Variants in SLC35F4 observed in about 807,000 individuals in gnomAD.
SLC35F4 encodes the protein solute carrier family 35 member F4, also known as chromosome 14 open reading frame 36.
SLC35F4 carries 24 observed loss-of-function variants against 44.2 expected under a neutral mutation model. The observed-to-expected ratio is 0.54, with a 90% CI of 0.39 to 0.76. The LOEUF is 0.76. SLC35F4 is among the 30% of genes least tolerant of loss of function. The probability of loss-of-function intolerance (pLI) is 0.00; values close to 1 mark genes in which losing one functional copy is unlikely to be tolerated. For synonymous variants in SLC35F4, 238 were observed against 223.6 expected (o/e 1.06, Z -0.57); for missense variants, 562 against 586.1 (o/e 0.96, Z 0.42).
chr14:57,665,794 A>G (rs2074287635), intron 1 of SLC35F4, among the ~76,000 whole-genome samples: 1 of 152,226 alleles, frequency 6.6e-6, no homozygotes, highest in African/African-American at 2.4e-5. Flanking sequence ...AATACTGTGC[A>G]GCCATAAACA....
intron 1 of SLC35F4, among the ~76,000 whole-genome samples, chr14:57,786,563 G>A (rs1288891758): frequency 6.6e-6 from 1 of 152,186 alleles, no homozygotes; most frequent in Non-Finnish European, 1.5e-5. Flanking sequence ...TCCTGGCTGG[G>A]AGGTCCATAG....
chr14:57,692,074 C>G (rs1254988270), intron 1 of SLC35F4, among the ~76,000 whole-genome samples: 5 of 152,098 alleles, frequency 3.3e-5, no homozygotes. Flanking sequence ...ATCATGATAG[C>G]CAAGTAGAAA....
At chr14:57,708,860 G>A (rs546453788) in intron 1 of SLC35F4, among the ~76,000 whole-genome samples, 1 of 152,192 alleles carries the variant, frequency 6.6e-6, no homozygotes, top group African/African-American at 2.4e-5. Flanking sequence ...TGGGTCACGT[G>A]TCCACTGGAC....
chr14:57,959,289 A>T (rs1890299688), intron 1 of SLC35F4, among the ~76,000 whole-genome samples: 1 of 152,224 alleles, frequency 6.6e-6, no homozygotes, highest in Non-Finnish European at 1.5e-5. Context: ...TTATGGTAGT[A>T]ATGTAAAGTT....
chr14:57,788,463 C>T (rs947549135), intron 1 of SLC35F4, among the ~76,000 whole-genome samples: 1 of 152,150 alleles, frequency 6.6e-6, no homozygotes, highest in Non-Finnish European at 1.5e-5. Flanking sequence ...ACAGAATACA[C>T]ATTCTATTAA....
chr14:57,841,746 C>T (rs1482410300), intron 1 of SLC35F4, among the ~76,000 whole-genome samples: 3 of 152,020 alleles, frequency 2.0e-5, no homozygotes, highest in East Asian at 1.9e-4. Flanking sequence ...CTACAAGCCA[C>T]GTAGATCATT....
At chr14:57,696,079 C>T (rs2075375009) in intron 1 of SLC35F4, among the ~76,000 whole-genome samples, 1 of 152,040 alleles carries the variant, frequency 6.6e-6, no homozygotes, top group South Asian at 2.1e-4. Flanking sequence ...CCAAAATTGA[C>T]AAATGGGATC....
At chr14:57,884,058 G>A (rs1193570294) in intron 1 of SLC35F4, among the ~76,000 whole-genome samples, 1 of 151,988 alleles carries the variant, frequency 6.6e-6, no homozygotes, top group Non-Finnish European at 1.5e-5. Context: ...ATAGCCCCAG[G>A]TTTTCTTATT....
intron 1 of SLC35F4, among the ~76,000 whole-genome samples, chr14:57,624,122 C>T (rs1047809915): frequency 6.6e-6 from 1 of 152,118 alleles, no homozygotes; most frequent in Non-Finnish European, 1.5e-5. Context: ...GGGGATATCA[C>T]CACTGATTCC....
At chr14:57,869,937 A>G (rs1176283227), upstream of SLC35F4, among the ~76,000 whole-genome samples, 2 of 152,164 alleles carry the variant, frequency 1.3e-5, no homozygotes, top group African/African-American at 4.8e-5. Context: ...TTTACCTTTC[A>G]GCTCAAAGGG....
At chr14:57,734,207 C>T (rs147037436) in intron 1 of SLC35F4, among the ~76,000 whole-genome samples, 1 of 152,282 alleles carries the variant, frequency 6.6e-6, no homozygotes, top group Non-Finnish European at 1.5e-5. Context: ...GTTTGGAAGA[C>T]AAACAGTCCT....
chr14:57,766,236 G>C (rs964237946), intron 1 of SLC35F4, among the ~76,000 whole-genome samples: 1 of 152,224 alleles, frequency 6.6e-6, no homozygotes, highest in African/African-American at 2.4e-5. Context: ...GCCATGAATA[G>C]TATTCTGTGG....
chr14:57,961,163 T>G (rs897878249), intron 1 of SLC35F4, among the ~76,000 whole-genome samples: 2 of 152,126 alleles, frequency 1.3e-5, no homozygotes, highest in African/African-American at 4.8e-5. Context: ...ACCCAAGGAC[T>G]CATGGTTACT....
At chr14:57,660,155 C>T (rs771725505) in intron 1 of SLC35F4, among the ~76,000 whole-genome samples, 9 of 152,082 alleles carry the variant, frequency 5.9e-5, no homozygotes, top group Non-Finnish European at 7.4e-5. Flanking sequence ...TGAGACTCCA[C>T]GAGAGGAAAC....
rs183581876 is a variant in SLC35F4, at chr14:57,690,706, C to T, written c.104-96582G>A. Among the ~76,000 whole-genome samples the T allele has an allele frequency of 3.4e-3, 514 of 151,912 alleles. 5 individuals carry two copies. The highest frequency in any genetic ancestry group is 0.012 in the African/African-American group (478 of 41,414). On this transcript the variant is annotated intron_variant, in intron 1 of 7. Transcript: ENST00000556826. ...TTGCTTTCCTGCAACTAGATGGTCCCATCTGGGGGTAATGGGAGACACTGA... is the reference window on the plus strand; with the variant it reads ...TTGCTTTCCTGCAACTAGATGGTCCTATCTGGGGGTAATGGGAGACACTGA...
chr14:57,585,156 A>ATTAATATTCCCAAGCACTTGC (rs1206205514), intron 3 of SLC35F4, among the ~76,000 whole-genome samples: 12 of 152,188 alleles, frequency 7.9e-5, no homozygotes, highest in Non-Finnish European at 1.3e-4. Context: ...CACGGTGAGA[A>ATTAATATTCCCAAGCACTTGC]TTAATATTCC....
At chr14:57,877,816 A>T (rs1344228954) in intron 1 of SLC35F4, among the ~76,000 whole-genome samples, 2 of 148,744 alleles carry the variant, frequency 1.3e-5, no homozygotes, top group Non-Finnish European at 3.0e-5. Context: ...TCCCAAGTAG[A>T]TGGGATTACA....
chr14:57,720,027 A>G (rs1314488110), intron 1 of SLC35F4, among the ~76,000 whole-genome samples: 1 of 152,116 alleles, frequency 6.6e-6, no homozygotes, highest in Non-Finnish European at 1.5e-5. Context: ...AAGATATGTT[A>G]AACTTTTTCA....
intron 1 of SLC35F4, among the ~76,000 whole-genome samples, chr14:57,795,074 G>C (rs568417407): frequency 6.6e-6 from 1 of 152,160 alleles, no homozygotes; most frequent in South Asian, 2.1e-4. Context: ...TTCCTCAAAA[G>C]GTTGTAACTA....
Sources: allele counts gnomAD v4.1 joint callset (sites outside exome capture counted in the v4.1 genomes callset), GRCh38; gene constraint gnomAD v4.1.1; transcripts MANE v1.5; gene names NCBI Gene and HGNC (gene_info 2026-07-23, HGNC 2026-07-21).